The following DZIP1L variants were observed in gnomAD, a reference collection of about 807,000 sequenced individuals.
The protein encoded by DZIP1L is cilium assembly protein DZIP1L.
A neutral mutation model predicts 88.7 loss-of-function variants in DZIP1L; 90 were observed. The observed-to-expected ratio is 1.02, with a 90% confidence interval of 0.86 to 1.21. DZIP1L has a LOEUF of 1.21. Among genes scored for constraint, DZIP1L ranks in the 50% most tolerant of loss-of-function variants. The pLI, the probability that DZIP1L is intolerant of heterozygous loss-of-function variation, is 0.00. For synonymous variants in DZIP1L, 363 were observed against 372.1 expected (o/e 0.98, Z 0.28); for missense variants, 932 against 955.8 (o/e 0.98, Z 0.33).
intron 1 of DZIP1L, among the ~76,000 whole-genome samples, chr3:138,105,259 G>T (rs989152777): frequency 6.6e-6 from 1 of 152,016 alleles, no homozygotes; most frequent in Non-Finnish European, 1.5e-5. Context: ...GAGGGAAATG[G>T]GAGTGTGGAA....
intron 6 of DZIP1L, 82 bp from the exon 7 acceptor site, chr3:138,087,105 G>A: frequency 7.6e-7 from 1 of 1,318,976 alleles, no homozygotes; most frequent in Non-Finnish European, 1.1e-6. Context: ...TAAAAGTACT[G>A]GCTCATGGGT....
chr3:138,103,631 C>A lies in DZIP1L; in HGVS notation c.341G>T (p.Arg114Leu). 3 of 1,606,822 alleles carry A rather than the reference C, an allele frequency of 1.9e-6. No individual in the cohort carries two copies. The highest frequency in any genetic ancestry group is 2.5e-6 in the Non-Finnish European group (3 of 1,179,118). Residue 114 changes from arginine (R) to leucine (L), a missense_variant, in exon 2 of 16, where the codon CGG (arginine) becomes CTG (leucine). Transcript: ENST00000327532. ...CTGCTGGCCCAGGCTGGTCTGCAGC[C>A]GTGCCTCCAGCTGGGCAACACTGGC... ...LSASVAQLEA[R>L]LQTSLGQQQR...
intron 8 of DZIP1L, among the ~76,000 whole-genome samples, chr3:138,082,944 A>G (rs1417231286): frequency 6.6e-6 from 1 of 152,220 alleles, no homozygotes. Context: ...AACAAAAGTC[A>G]TCACACTGAA....
rs372326759 is a variant in DZIP1L at position 138,115,593 on chromosome 3, G to C, written c.-347C>G. Reference sequence around the variant, plus strand: ...CGGACAGAGAGCTCCTCGGTGCGTCGGTCAGCTCGTGGCTTGGGGTCTCTG... The same window carrying C: ...CGGACAGAGAGCTCCTCGGTGCGTCCGTCAGCTCGTGGCTTGGGGTCTCTG... On this transcript the variant is annotated 5_prime_UTR_variant, in exon 1 of 16. Coordinates refer to ENST00000327532, the MANE Select transcript of DZIP1L (RefSeq NM_173543.3). The C allele has an allele frequency of 6.6e-6, 1 of 151,992 alleles. No homozygotes were observed. The highest frequency in any genetic ancestry group is 6.5e-5 in the Admixed American group (1 of 15,276). 9.4% of individuals were successfully genotyped at this position (151,992 alleles called of 1,614,324 possible).
chr3:138,104,978 T>A (rs1175191354), intron 1 of DZIP1L, among the ~76,000 whole-genome samples: 4 of 152,184 alleles, frequency 2.6e-5, no homozygotes. Context: ...TAGCATCTTT[T>A]ATAAAAGCAA....
chr3:138,109,932 G>A (rs2042590490), intron 1 of DZIP1L, among the ~76,000 whole-genome samples: 1 of 152,076 alleles, frequency 6.6e-6, no homozygotes, highest in South Asian at 2.1e-4. Context: ...ACACAGGGAG[G>A]GGAATATCAC....
rs1559864364 is a variant in DZIP1L, at chr3:138,106,133, T to TC, written c.-81-2082_-81-2081insG. On this transcript the variant is annotated intron_variant, in intron 1 of 15. Transcript: ENST00000327532. Reference sequence around the variant, plus strand: ...ACATGATTCAGTCTTCTTTCTTTTTTTTTTTTTTTTTTTTTTTTTTTTTGA... The same window carrying TC: ...ACATGATTCAGTCTTCTTTCTTTTTTCTTTTTTTTTTTTTTTTTTTTTTTGA... Among the ~76,000 whole-genome samples the TC allele has an allele frequency of 4.7e-3, 618 of 131,286 alleles. 9 individuals are homozygous for TC. Among genetic ancestry groups the TC allele is most frequent in the African/African-American group, 0.017 (592 of 34,554 alleles). The allele number at this position is 131,286 out of a possible 152,430, so 86.1% of individuals were successfully genotyped here.
chr3:138,099,155 G>C (rs1228688069), intron 2 of DZIP1L, among the ~76,000 whole-genome samples: 3 of 152,206 alleles, frequency 2.0e-5, no homozygotes, highest in African/African-American at 4.8e-5. Context: ...TGTATATTTG[G>C]TCTTTGTTCC....
In DZIP1L at chr3:138,084,385, T is replaced by C. The variant is rs1943826126; in HGVS notation, c.1063-132A>G. The C allele has an allele frequency of 1.6e-5, 20 of 1,249,418 alleles. No individual in the cohort carries two copies. The East Asian group carries it at 5.0e-4, about 31-fold the overall frequency. The allele number at this position is 1,249,418 out of a possible 1,614,324, so 77.4% of individuals were successfully genotyped here. A position where few individuals can be genotyped will look rare whatever the true frequency, so the allele number is the denominator to read the frequency against. Reference sequence around the variant, plus strand: ...AGGATTTTGAGACCTGGACAGGCTTTCTAACAAGACAACCTTCCAGTCTGG... The same window carrying C: ...AGGATTTTGAGACCTGGACAGGCTTCCTAACAAGACAACCTTCCAGTCTGG... On this transcript the variant is annotated intron_variant, in intron 7 of 15. Coordinates refer to ENST00000327532, the MANE Select transcript of DZIP1L (RefSeq NM_173543.3).
intron 4 of DZIP1L, 125 bp downstream of exon 4, chr3:138,094,737 C>T: frequency 6.9e-7 from 1 of 1,457,654 alleles, no homozygotes; most frequent in Non-Finnish European, 9.3e-7. Context: ...AAGGCACTAT[C>T]CCAGCTCTGA....
At chr3:138,081,618 C>T (rs1943653823) in intron 9 of DZIP1L, 116 bp downstream of exon 9, 1 of 1,061,052 alleles carries the variant, frequency 9.4e-7, no homozygotes, top group Middle Eastern at 2.2e-4. Flanking sequence ...TACATGTCCA[C>T]AGGCTGCTGT....
rs1398479551 is a variant in DZIP1L at position 138,068,258 on chromosome 3, C to G, written c.1725G>C (p.Gln575His). 6.3e-7 allele frequency: 1 copy of G among 1,597,848 alleles called. No homozygotes were observed. The highest frequency in any genetic ancestry group is 8.5e-7 in the Non-Finnish European group (1 of 1,171,684). The change falls in exon 13 of 16, where the codon CAG (glutamine) becomes CAC (histidine). Residue 575 changes from glutamine to histidine, a missense_variant. Gln to His is a conservative substitution (Grantham distance 24). Transcript: ENST00000327532. ...GGCTGGAGCCATGGCTGCCATGGCT[C>G]TGACGAGTTGGTGGGGGTGGCTCTG... ...TPAEPPPPTR[Q>H]SHGSHGSSLT...
chr3:138,108,589 T>C (rs565010439), intron 1 of DZIP1L, among the ~76,000 whole-genome samples: 1 of 152,262 alleles, frequency 6.6e-6, no homozygotes, highest in East Asian at 1.9e-4. Context: ...CCCTGCACGC[T>C]ATCCCTAGGA....
Position 138,079,770 on chromosome 3 carries a change from C to A in DZIP1L, c.1288+797G>T, listed in dbSNP as rs915291562. On this transcript the variant is annotated intron_variant, in intron 10 of 15. Transcript: ENST00000327532. The stretch of plus-strand genomic sequence containing the variant: ...ATCTCAAAAATAAAGAAAAACATTA[C>A]ATTAAAAAATAAAATACCCCATGAT... Among the ~76,000 whole-genome samples, 3 of 152,206 alleles carry A rather than the reference C, an allele frequency of 2.0e-5. No individual in the cohort carries two copies. In the East Asian group the frequency reaches 5.8e-4, roughly 29 times the overall value.
At chr3:138,077,271 G>A (rs148719771) in intron 11 of DZIP1L, among the ~76,000 whole-genome samples, 5 of 152,298 alleles carry the variant, frequency 3.3e-5, no homozygotes, top group African/African-American at 1.2e-4. Context: ...GGGTAGTATC[G>A]CCAGCCAAAT....
chr3:138,096,702 C>T (rs1289023344), intron 3 of DZIP1L, among the ~76,000 whole-genome samples: 3 of 151,916 alleles, frequency 2.0e-5, no homozygotes, highest in Admixed American at 6.6e-5. Context: ...TTTATTTTTC[C>T]TTAGCCTCCA....
At chr3:138,113,599 A>G (rs1168914513) in intron 1 of DZIP1L, 5 of 152,246 alleles carry the variant, frequency 3.3e-5, no homozygotes, top group Non-Finnish European at 5.9e-5. Context: ...GGCTATGCAC[A>G]CACAGTATGC....
chr3:138,063,142 C>T lies in DZIP1L; in HGVS notation c.2143-165G>A, dbSNP rs116433388. Among the ~76,000 whole-genome samples the T allele has an allele frequency of 2.2e-3, 341 of 152,300 alleles. 1 individual carries two copies. The highest frequency in any genetic ancestry group is 7.3e-3 in the African/African-American group (304 of 41,570). On this transcript the variant is annotated intron_variant, in intron 15 of 15. Coordinates refer to ENST00000327532, the MANE Select transcript of DZIP1L (RefSeq NM_173543.3). The surrounding 1 kb of genome is among the most constrained non-coding windows in gnomAD (Gnocchi z 4.1). ...ACTCCTCCTGACTTCTCAAGTCTTC[C>T]TGCCTTTGAGAACCTGCTTTAGTGA...
In DZIP1L at chr3:138,075,437, C is replaced by G. The variant is rs1345075052; in HGVS notation, c.1422+2062G>C. Among the ~76,000 whole-genome samples, 5 of 152,118 alleles carry G rather than the reference C, an allele frequency of 3.3e-5. No individual in the cohort carries two copies. In the East Asian group the frequency reaches 9.6e-4, roughly 29 times the overall value. ...CAAGTCTCAGTAAACTTAAGAAAATCGAAATTATATCAAGCACTCTCTCAG... is the reference window on the plus strand; with the variant it reads ...CAAGTCTCAGTAAACTTAAGAAAATGGAAATTATATCAAGCACTCTCTCAG... On this transcript the variant is annotated intron_variant, in intron 11 of 15. Transcript: ENST00000327532.
Sources: allele counts gnomAD v4.1 joint callset (sites outside exome capture counted in the v4.1 genomes callset), GRCh38; gene constraint gnomAD v4.1.1; non-coding constraint Gnocchi (gnomAD v3.1); transcripts MANE v1.5; gene names NCBI Gene and HGNC (gene_info 2026-07-23, HGNC 2026-07-21).